The following CSMD1 variants were observed in gnomAD, a reference collection of about 807,000 sequenced individuals.
The protein encoded by CSMD1 is CUB and Sushi multiple domains 1, also known as CUB and sushi domain-containing protein 1.
In CSMD1, 213 loss-of-function variants were observed where a neutral mutation model predicts 417.5. The ratio of observed to expected loss-of-function variants is 0.51; its 90% CI spans 0.46 to 0.57. The LOEUF is 0.57. Among genes scored for constraint, CSMD1 ranks in the 20% least tolerant of loss-of-function variants. The pLI is 0.00. For missense variants in CSMD1, 6,923 were observed against 4,529.7 expected, an observed-to-expected ratio of 1.53 and a Z score of -15.17; for synonymous variants, 2,862 against 1,736.8, an observed-to-expected ratio of 1.65 and a Z score of -16.11.
intron 26 of CSMD1, among the ~76,000 whole-genome samples, chr8:3,270,292 G>A (rs953976296): frequency 2.0e-5 from 3 of 152,028 alleles, no homozygotes; most frequent in Admixed American, 1.3e-4. Context: ...TCCTGACCTT[G>A]TGATCCGTCT....
At chr8:3,531,168 C>A (rs533489412) in intron 10 of CSMD1, among the ~76,000 whole-genome samples, 27 of 152,126 alleles carry the variant, frequency 1.8e-4, no homozygotes, top group African/African-American at 5.8e-4. Flanking sequence ...GCCCATACTA[C>A]TTTAAGAAAA....
chr8:3,943,884 G>A (rs532227072), intron 5 of CSMD1, among the ~76,000 whole-genome samples: 1 of 152,220 alleles, frequency 6.6e-6, no homozygotes, highest in South Asian at 2.1e-4. Context: ...AGACATGGCA[G>A]CTAAATGCAA....
At chr8:4,185,320 A>C (rs79361040) in intron 3 of CSMD1, among the ~76,000 whole-genome samples, 5,391 of 152,152 alleles carry the variant, frequency 0.035, 158 homozygotes, top group South Asian at 0.099. Context: ...CCCTGTCTTA[A>C]AAAGGGCTCA....
intron 3 of CSMD1, among the ~76,000 whole-genome samples, chr8:4,254,527 G>A (rs537209921): frequency 9.2e-5 from 14 of 152,184 alleles, no homozygotes; most frequent in African/African-American, 2.7e-4. Context: ...TAGCCTAAAC[G>A]TATGCTGTTT....
Position 3,407,991 on chromosome 8 carries a change from G to A in CSMD1, c.1979C>T (p.Pro660Leu), listed in dbSNP as rs1224468881. ...ATGCCCACTGCTGGCCAGCTGGGAA[G>A]GCACTTCATTGCCAGAAAAAGTACC... Reference protein sequence around the residue: ...VLGTFSGNEVPSQLASSGHIV... With the variant: ...VLGTFSGNEVLSQLASSGHIV... The change falls in exon 14 of 70, where the codon CCT becomes CTT. Residue 660 changes from proline (P) to leucine (L), a missense_variant. Pro to Leu is a moderately conservative substitution (Grantham distance 98, BLOSUM62 -3). Transcript: ENST00000635120. 1.2e-6 allele frequency: 2 copies of A among 1,613,908 alleles called. No homozygotes were observed. Among genetic ancestry groups the A allele is most frequent in the Non-Finnish European group, 8.5e-7 (1 of 1,179,860 alleles).
At chr8:3,233,091 ATT>A (rs11284982) in intron 26 of CSMD1, among the ~76,000 whole-genome samples, 8 of 149,332 alleles carry the variant, frequency 5.4e-5, no homozygotes, top group Non-Finnish European at 8.9e-5. Context: ...TTTTCTTTTC[ATT>A]TTTTTTTTCT....
intron 5 of CSMD1, among the ~76,000 whole-genome samples, chr8:3,889,496 A>T (rs751305252): frequency 5.7e-5 from 5 of 87,038 alleles, no homozygotes; most frequent in South Asian, 4.2e-4. Context: ...TATATATAAA[A>T]TATGCTCATT....
chr8:4,031,892 T>C lies in CSMD1; in HGVS notation c.610+13A>G. 1.9e-6 allele frequency: 3 copies of C among 1,605,452 alleles called. No individual in the cohort carries two copies. Among genetic ancestry groups the C allele is most frequent in the Non-Finnish European group, 2.6e-6 (3 of 1,174,254 alleles). On this transcript the variant is annotated intron_variant, in intron 4 of 69. Coordinates refer to ENST00000635120, the MANE Select transcript of CSMD1 (RefSeq NM_033225.6). The stretch of plus-strand genomic sequence containing the variant: ...CCTGGAGTCTGCTCACCAGCCCCCT[T>C]GTAGCACTGTACCTCTGCAAAAGGG...
intron 5 of CSMD1, among the ~76,000 whole-genome samples, chr8:3,768,569 C>A (rs1423801246): frequency 6.6e-6 from 1 of 152,054 alleles, no homozygotes; most frequent in Non-Finnish European, 1.5e-5. Context: ...TAAACAGAAA[C>A]AAGAGTACTT....
chr8:4,106,522 TATG>T (rs768091169), intron 3 of CSMD1, among the ~76,000 whole-genome samples: 2 of 152,306 alleles, frequency 1.3e-5, no homozygotes, highest in Admixed American at 6.5e-5. Flanking sequence ...GAGAGCCTCC[TATG>T]ATATTTTAAA....
intron 3 of CSMD1, among the ~76,000 whole-genome samples, chr8:4,394,662 TC>T (rs11336114): frequency 0.2 from 30,396 of 152,058 alleles, 3,393 homozygotes; most frequent in East Asian, 0.33. Flanking sequence ...ATTTCTCCTT[TC>T]TTTCCCTATT....
chr8:4,073,001 C>G (rs1799638351), intron 3 of CSMD1, among the ~76,000 whole-genome samples: 2 of 152,096 alleles, frequency 1.3e-5, no homozygotes, highest in Non-Finnish European at 2.9e-5. Context: ...ACAATATACT[C>G]TATATGTAAG....
At position 3,248,134 on chromosome 8, in the gene CSMD1, C is replaced by G. The variant is rs1585787332; in HGVS notation, c.4154-17903G>C. 2.0e-5 allele frequency among the ~76,000 whole-genome samples: 3 copies of G among 151,950 alleles called. 1 individual carries two copies. The highest frequency in any genetic ancestry group is 4.2e-4 in the South Asian group (2 of 4,816). ...CTTGAGGCCAGGAGTTTGAGACCAG[C>G]CTGGGCAAAATAGTGAGATGTAGCG... On this transcript the variant is annotated intron_variant, in intron 26 of 69. Transcript: ENST00000635120.
chr8:3,797,552 T>C (rs1297683355), intron 5 of CSMD1, among the ~76,000 whole-genome samples: 2 of 151,974 alleles, frequency 1.3e-5, no homozygotes, highest in Non-Finnish European at 2.9e-5. Flanking sequence ...ATTTGGATTC[T>C]GTCTCACAAT....
rs1031409121 is a variant in CSMD1 at position 4,395,735 on chromosome 8, G to A, written c.415+24218C>T. On this transcript the variant is annotated intron_variant, in intron 3 of 69. Coordinates refer to ENST00000635120, the MANE Select transcript of CSMD1 (RefSeq NM_033225.6). ...CTTTGTAAAATTAGCAGCTACAAAT[G>A]TTTCTGCTGTGTAAGCATTTGTAAA... 5.3e-5 allele frequency among the ~76,000 whole-genome samples: 8 copies of A among 151,434 alleles called. No individual in the cohort carries two copies. The East Asian group carries it at 7.7e-4, about 15-fold the overall frequency.
intron 1 of CSMD1, among the ~76,000 whole-genome samples, chr8:4,750,234 C>G (rs545650158): frequency 2.3e-4 from 34 of 150,296 alleles, no homozygotes; most frequent in African/African-American, 8.6e-4. Context: ...GTCTCGATCT[C>G]CCGACATTGT....
chr8:4,227,070 A>C (rs1332077386), intron 3 of CSMD1, among the ~76,000 whole-genome samples: 1 of 152,174 alleles, frequency 6.6e-6, no homozygotes, highest in African/African-American at 2.4e-5. Context: ...TCTGAAGGTG[A>C]AATAATAAAT....
chr8:4,432,169 G>C (rs899610664), intron 2 of CSMD1, among the ~76,000 whole-genome samples: 1 of 152,134 alleles, frequency 6.6e-6, no homozygotes, highest in African/African-American at 2.4e-5. Context: ...AACATGATTG[G>C]CAATTATATT....
At chr8:4,969,497 C>T (rs929940712) in intron 1 of CSMD1, among the ~76,000 whole-genome samples, 8 of 151,384 alleles carry the variant, frequency 5.3e-5, no homozygotes, top group Admixed American at 4.0e-4. Context: ...CTTTCTGTCT[C>T]CATCCATTCC....
Sources: allele counts gnomAD v4.1 joint callset (sites outside exome capture counted in the v4.1 genomes callset), GRCh38; gene constraint gnomAD v4.1.1; transcripts MANE v1.5; gene names NCBI Gene and HGNC (gene_info 2026-07-23, HGNC 2026-07-21).